The following REPS2 variants were observed in gnomAD, a reference collection of about 807,000 sequenced individuals.
REPS2 encodes the protein ralBP1-associated Eps domain-containing protein 2.
In REPS2, 23 loss-of-function variants were observed where a neutral mutation model predicts 53.6. That is an observed-to-expected ratio of 0.43 (90% CI 0.31 to 0.61). REPS2 has a LOEUF of 0.61. Among genes scored for constraint, REPS2 ranks in the 20% least tolerant of loss-of-function variants. REPS2 has a pLI of 0.11. For synonymous variants in REPS2, 238 were observed against 218.6 expected (o/e 1.09, Z -0.78); for missense variants, 446 against 534.9 (o/e 0.83, Z 1.64).
intron 14 of REPS2, among the ~76,000 whole-genome samples, chrX:17,125,255 T>G (rs976772785): frequency 1.9e-4 from 21 of 111,550 alleles, no homozygotes; most frequent in African/African-American, 6.9e-4. Flanking sequence ...AATATTTATC[T>G]ATAGAACCAT....
intron 12 of REPS2, chrX:17,074,452 A>G (rs768492350): frequency 4.3e-6 from 1 of 234,262 alleles, no homozygotes; most frequent in Non-Finnish European, 7.7e-6. Flanking sequence ...TATAGGGGGA[A>G]GTAGCTTTGG....
intron 14 of REPS2, among the ~76,000 whole-genome samples, chrX:17,107,352 G>A (rs150330887): frequency 8.9e-6 from 1 of 111,841 alleles, no homozygotes; most frequent in African/African-American, 3.2e-5. Context: ...AAGTTCTCTT[G>A]TGAGGATTTC....
intron 13 of REPS2, chrX:17,100,115 C>T (rs1175344453): frequency 1.4e-4 from 121 of 892,769 alleles, no homozygotes; most frequent in South Asian, 1.0e-3. Flanking sequence ...TTTTCTGTGA[C>T]GGCAGAAACT....
chrX:17,168,778 C>T, the REPS2 span, among the ~76,000 whole-genome samples: 1 of 111,840 alleles, frequency 8.9e-6, no homozygotes, highest in African/African-American at 3.3e-5. Context: ...GGGGAGGTTT[C>T]AGTTAGAGGC....
At chrX:17,049,595 A>T (rs1444953146) in intron 6 of REPS2, among the ~76,000 whole-genome samples, 1 of 112,028 alleles carries the variant, frequency 8.9e-6, no homozygotes, top group Admixed American at 9.5e-5. Flanking sequence ...CAATTTTTTT[A>T]AATTTTTAAA....
intron 14 of REPS2, among the ~76,000 whole-genome samples, chrX:17,107,318 T>C (rs1242718759): frequency 6.2e-5 from 7 of 112,381 alleles, no homozygotes; most frequent in East Asian, 5.6e-4. Context: ...GACCAGCTTG[T>C]GTTGATTGAA....
At chrX:17,068,095 C>T (rs1448544970) in intron 9 of REPS2, among the ~76,000 whole-genome samples, 2 of 110,956 alleles carry the variant, frequency 1.8e-5, no homozygotes, top group African/African-American at 3.3e-5. Context: ...GGGTGGATCA[C>T]GAGGTCAGGA....
intron 2 of REPS2, among the ~76,000 whole-genome samples, chrX:17,012,994 A>G (rs2061448102): frequency 8.9e-6 from 1 of 112,522 alleles, no homozygotes; most frequent in Non-Finnish European, 1.9e-5. Flanking sequence ...GAGGCAAATC[A>G]TTGAATTCCC....
chrX:16,952,339 G>T (rs188439806), intron 1 of REPS2, among the ~76,000 whole-genome samples: 2 of 111,794 alleles, frequency 1.8e-5, no homozygotes, highest in East Asian at 5.6e-4. Flanking sequence ...TTGGTTTTCT[G>T]TTCCTGTGTT....
chrX:17,120,875 ATG>A (rs2063133059), intron 14 of REPS2, among the ~76,000 whole-genome samples: 2 of 111,990 alleles, frequency 1.8e-5, no homozygotes, highest in Non-Finnish European at 3.8e-5. Flanking sequence ...ATCGGGGAAC[ATG>A]AGTCTTGAGA....
At position 16,965,923 on chromosome X, in the gene REPS2, C is replaced by T. The variant is rs924510097; in HGVS notation, c.273+18789C>T. The stretch of plus-strand genomic sequence containing the variant: ...AGGAGCTGGAGACCAACCCGGCCAA[C>T]ACAGCGAATCCCCATCTCCACCAAA... On this transcript the variant is annotated intron_variant, in intron 1 of 17. Coordinates refer to ENST00000357277, the MANE Select transcript of REPS2 (RefSeq NM_004726.3). Among the ~76,000 whole-genome samples the T allele has an allele frequency of 8.0e-5, 9 of 112,693 alleles. No homozygotes were observed. The Admixed American group carries it at 8.3e-4, about 10-fold the overall frequency.
intron 13 of REPS2, among the ~76,000 whole-genome samples, chrX:17,078,370 A>G (rs1359295862): frequency 8.9e-6 from 1 of 112,444 alleles, no homozygotes; most frequent in Non-Finnish European, 1.9e-5. Context: ...AGAGCTCAGC[A>G]TGTTTTATTT....
chrX:17,001,891 A>G (rs146699526), intron 1 of REPS2, among the ~76,000 whole-genome samples: 45 of 111,548 alleles, frequency 4.0e-4, no homozygotes, highest in African/African-American at 1.4e-3. Context: ...AGACTTGTTC[A>G]CCATCACAAG....
At chrX:17,053,364 TTTTGTTTTTTG>T (rs1006824347) in intron 7 of REPS2, among the ~76,000 whole-genome samples, 1 of 111,331 alleles carries the variant, frequency 9.0e-6, no homozygotes, top group African/African-American at 3.3e-5. Flanking sequence ...TTTGTTTTTG[TTTTGTTTTTTG>T]TTTGTTTGTT....
intron 4 of REPS2, among the ~76,000 whole-genome samples, chrX:17,029,173 G>A (rs1187177921): frequency 9.0e-6 from 1 of 111,342 alleles, no homozygotes; most frequent in Non-Finnish European, 1.9e-5. Context: ...TTACTTAGGG[G>A]GGATATATAG....
At chrX:17,006,905 A>G (rs1428362249) in intron 2 of REPS2, among the ~76,000 whole-genome samples, 1 of 111,904 alleles carries the variant, frequency 8.9e-6, no homozygotes, top group Non-Finnish European at 1.9e-5. Context: ...AACCCACTGT[A>G]TGCTTGAGCA....
intron 13 of REPS2, among the ~76,000 whole-genome samples, chrX:17,090,651 T>C (rs2062603116): frequency 1.8e-5 from 2 of 112,693 alleles, no homozygotes; most frequent in African/African-American, 6.4e-5. Flanking sequence ...CTTTATCGGA[T>C]AGATGATTTG....
chrX:17,038,226 A>C (rs1215759336), intron 5 of REPS2, among the ~76,000 whole-genome samples: 1 of 112,454 alleles, frequency 8.9e-6, no homozygotes, highest in African/African-American at 3.2e-5. Context: ...AGGCCTTAAA[A>C]CATGGTACCA....
downstream of REPS2, among the ~76,000 whole-genome samples, chrX:17,153,752 T>A (rs1057069316): frequency 9.0e-6 from 1 of 110,874 alleles, no homozygotes; most frequent in Non-Finnish European, 1.9e-5. Context: ...TTATTCCATA[T>A]TGTGAATGCA....
Sources: gnomAD v4.1 joint callset for allele counts (sites outside exome capture counted in the v4.1 genomes callset) on GRCh38, gnomAD v4.1.1 for gene constraint, MANE v1.5 for transcripts, NCBI Gene and HGNC (gene_info 2026-07-23, HGNC 2026-07-21) for gene names.